The following PARD3B variants were observed in gnomAD, a reference collection of about 807,000 sequenced individuals.
PARD3B encodes partitioning defective 3 homolog B.
PARD3B carries 103 observed loss-of-function variants against 130.2 expected under a neutral mutation model. The observed-to-expected ratio is 0.79, with a 90% CI of 0.67 to 0.93. PARD3B has a LOEUF of 0.93. PARD3B is among the 40% of genes least tolerant of loss of function. PARD3B has a pLI of 0.00. For missense variants in PARD3B, 1,609 were observed against 1,499.2 expected (o/e 1.07, Z -1.21); for synonymous variants, 583 against 553.2 (o/e 1.05, Z -0.76).
chr2:205,023,043 C>T (rs1182303102), intron 3 of PARD3B, among the ~76,000 whole-genome samples: 4 of 152,190 alleles, frequency 2.6e-5, no homozygotes, highest in Non-Finnish European at 5.9e-5. Context: ...AGGCTCAGTT[C>T]CCTGGTCCAT....
chr2:205,270,426 G>C (rs979487437), intron 16 of PARD3B, among the ~76,000 whole-genome samples: 1 of 152,036 alleles, frequency 6.6e-6, no homozygotes, highest in Non-Finnish European at 1.5e-5. Context: ...AATTAGCCAA[G>C]TATCATGTCA....
chr2:205,403,406 G>A (rs920353119), intron 19 of PARD3B, among the ~76,000 whole-genome samples: 2 of 152,130 alleles, frequency 1.3e-5, no homozygotes, highest in Non-Finnish European at 2.9e-5. Context: ...GCTATAGTGA[G>A]TATATTTATA....
At chr2:204,786,834 C>T (rs1365558219) in intron 2 of PARD3B, among the ~76,000 whole-genome samples, 1 of 151,696 alleles carries the variant, frequency 6.6e-6, no homozygotes, top group Non-Finnish European at 1.5e-5. Context: ...GGATCAAATA[C>T]TGTGAAAATC....
At chr2:204,570,807 A>G (rs1006436201) in intron 1 of PARD3B, among the ~76,000 whole-genome samples, 1 of 148,242 alleles carries the variant, frequency 6.7e-6, no homozygotes, top group Admixed American at 6.7e-5. Context: ...ACTGAGGTGT[A>G]TAAGCTGTTG....
intron 1 of PARD3B, among the ~76,000 whole-genome samples, chr2:204,654,280 G>T (rs1423902159): frequency 6.6e-6 from 1 of 151,224 alleles, no homozygotes; most frequent in African/African-American, 2.5e-5. Flanking sequence ...AGAAAGGATC[G>T]TGACAACCTA....
intron 22 of PARD3B, among the ~76,000 whole-genome samples, chr2:205,601,032 G>C (rs1057313477): frequency 6.6e-6 from 1 of 152,186 alleles, no homozygotes; most frequent in Non-Finnish European, 1.5e-5. Context: ...TAATGAGATT[G>C]CTGGGTCAAA....
chr2:205,459,273 T>C (rs1297990440), intron 20 of PARD3B, among the ~76,000 whole-genome samples: 1 of 152,218 alleles, frequency 6.6e-6, no homozygotes, highest in Non-Finnish European at 1.5e-5. Context: ...TTGGGAGTTC[T>C]CCAATGCCTT....
chr2:205,185,781 G>A lies in PARD3B; in HGVS notation c.1942G>A (p.Asp648Asn). The change falls in exon 14 of 23, where the codon GAC becomes AAC. Residue 648 changes from aspartate to asparagine, a missense_variant. Coordinates refer to ENST00000406610, the MANE Select transcript of PARD3B (RefSeq NM_001302769.2). ...GTTTATAGGTCTATTGCTGCCCAAT[G>A]ACGGATGGGCCGAGAGTGAAGTTCC... is the stretch of plus-strand genomic sequence containing the variant. ...DKQKGLLLPN[D>N]GWAESEVPPS... The A allele has an allele frequency of 1.9e-6, 3 of 1,613,878 alleles. No individual in the cohort carries two copies. Among genetic ancestry groups the A allele is most frequent in the Non-Finnish European group, 1.7e-6 (2 of 1,179,794 alleles).
chr2:205,353,193 G>A (rs2044055921), intron 18 of PARD3B, among the ~76,000 whole-genome samples: 1 of 152,162 alleles, frequency 6.6e-6, no homozygotes, highest in Admixed American at 6.5e-5. Flanking sequence ...CAAATGCACA[G>A]GAAACAGTGC....
In PARD3B at chr2:205,615,494, C is replaced by T; in HGVS notation, c.3299C>T (p.Ala1100Val). 6.2e-7 allele frequency: 1 copy of T among 1,611,786 alleles called. No homozygotes were observed. Among genetic ancestry groups the T allele is most frequent in the Non-Finnish European group, 8.5e-7 (1 of 1,178,754 alleles). ...GATCCTGTAGACTATCTGCCAGCAG[C>T]ACCTCGGGGGCTCTACAAGGAAAGG... The part of the protein sequence containing the change: ...PADPVDYLPA[A>V]PRGLYKEREL... The change falls in exon 23 of 23, where the codon GCA (alanine) becomes GTA (valine). Residue 1100 changes from alanine to valine, a missense_variant. By Grantham distance (64) the Ala-to-Val change is moderately conservative (BLOSUM62 0). Transcript: ENST00000406610.
intron 1 of PARD3B, among the ~76,000 whole-genome samples, chr2:204,601,642 C>T (rs1442359078): frequency 1.3e-5 from 2 of 151,864 alleles, no homozygotes; most frequent in Non-Finnish European, 1.5e-5. Context: ...CAATGTAGAG[C>T]TTAAGCAGTT....
Position 205,121,548 on chromosome 2 carries a change from C to T in PARD3B, c.807-43C>T. ...CTGGGGTACTTTAGAAGATGCTGCA[C>T]CTCAAAGCAGGGTCATCATACATTT... On this transcript the variant is annotated intron_variant, in intron 7 of 22. Coordinates refer to ENST00000406610, the MANE Select transcript of PARD3B (RefSeq NM_001302769.2). The surrounding 1 kb of genome is among the most constrained non-coding windows in gnomAD (Gnocchi z 5.0). The T allele has an allele frequency of 6.4e-7, 1 of 1,561,888 alleles. No individual in the cohort carries two copies. The highest frequency in any genetic ancestry group is 2.2e-5 in the East Asian group (1 of 44,480).
rs146584660 is a variant in PARD3B at position 205,419,612 on chromosome 2, T to C, written c.2741+18489T>C. Among the ~76,000 whole-genome samples, 374 of 152,284 alleles carry C rather than the reference T, an allele frequency of 2.5e-3. 7 individuals are homozygous for C. Among genetic ancestry groups the C allele is most frequent in the African/African-American group, 8.6e-3 (358 of 41,570 alleles). ...AGAAAAAAACAAGTTCCATATTACA[T>C]ACAAGTCACTTACTCTTTAAACTTC... On this transcript the variant is annotated intron_variant, in intron 19 of 22. Coordinates refer to ENST00000406610, the MANE Select transcript of PARD3B (RefSeq NM_001302769.2).
intron 22 of PARD3B, among the ~76,000 whole-genome samples, chr2:205,609,515 A>G (rs2055150243): frequency 6.6e-6 from 1 of 152,174 alleles, no homozygotes; most frequent in Non-Finnish European, 1.5e-5. Flanking sequence ...GCCACAGTCA[A>G]TTATTACCAA....
At chr2:204,661,672 A>T (rs1378663221) in intron 1 of PARD3B, among the ~76,000 whole-genome samples, 1 of 152,214 alleles carries the variant, frequency 6.6e-6, no homozygotes, top group African/African-American at 2.4e-5. Flanking sequence ...TAACTAAGGG[A>T]TTCTAAATTA....
At chr2:204,869,515 C>G (rs1233319281) in intron 2 of PARD3B, among the ~76,000 whole-genome samples, 5 of 151,960 alleles carry the variant, frequency 3.3e-5, no homozygotes, top group Non-Finnish European at 7.4e-5. Flanking sequence ...AAAATTAGAG[C>G]CTGAAGATTG....
At chr2:205,037,508 CTA>C (rs548003399) in intron 3 of PARD3B, among the ~76,000 whole-genome samples, 6 of 146,226 alleles carry the variant, frequency 4.1e-5, no homozygotes, top group African/African-American at 7.5e-5. Context: ...ATATAGTGGA[CTA>C]TATATATAAA....
intron 2 of PARD3B, among the ~76,000 whole-genome samples, chr2:204,881,334 A>C (rs1313342148): frequency 9.4e-6 from 1 of 105,958 alleles, no homozygotes; most frequent in Non-Finnish European, 2.0e-5. Context: ...TGCTGAATAC[A>C]GAGTATATCA....
intron 21 of PARD3B, among the ~76,000 whole-genome samples, chr2:205,510,055 C>G (rs984411494): frequency 1.3e-5 from 2 of 152,216 alleles, no homozygotes; most frequent in Admixed American, 1.3e-4. Flanking sequence ...ATATGGGAAG[C>G]ATTTTAGCAC....
Sources: allele counts gnomAD v4.1 joint callset (sites outside exome capture counted in the v4.1 genomes callset), GRCh38; gene constraint gnomAD v4.1.1; non-coding constraint Gnocchi (gnomAD v3.1); transcripts MANE v1.5; gene names NCBI Gene and HGNC (gene_info 2026-07-23, HGNC 2026-07-21).